The following ABCB5 variants were observed in gnomAD, a reference collection of about 807,000 sequenced individuals.
The protein encoded by ABCB5 is ATP-binding cassette sub-family B member 5.
In ABCB5, 155 loss-of-function variants were observed where a neutral mutation model predicts 144.2. The observed-to-expected ratio is 1.08, with a 90% CI of 0.94 to 1.23. The LOEUF is 1.23. ABCB5 is among the 50% of genes most tolerant of loss of function. The probability of loss-of-function intolerance (pLI) is 0.00; values close to 1 mark genes in which losing one functional copy is unlikely to be tolerated. For synonymous variants in ABCB5, 610 were observed against 528.6 expected (o/e 1.15, Z -2.11); for missense variants, 1,830 against 1,520.8 (o/e 1.20, Z -3.38).
At chr7:20,688,822 G>A (rs1483860520) in intron 16 of ABCB5, among the ~76,000 whole-genome samples, 2 of 152,094 alleles carry the variant, frequency 1.3e-5, no homozygotes, top group Non-Finnish European at 2.9e-5. Context: ...CTTTGTAGGG[G>A]CATGGATGAA....
At chr7:20,744,929 A>T (rs955559973) in intron 25 of ABCB5, among the ~76,000 whole-genome samples, 6 of 152,204 alleles carry the variant, frequency 3.9e-5, no homozygotes, top group African/African-American at 1.2e-4. Context: ...TTATGTGAAT[A>T]AACATGGCTG....
At chr7:20,702,368 G>C (rs945233421) in intron 19 of ABCB5, among the ~76,000 whole-genome samples, 2 of 152,048 alleles carry the variant, frequency 1.3e-5, no homozygotes, top group African/African-American at 2.4e-5. Context: ...GATCACTAAG[G>C]GGCTTCAAAA....
chr7:20,675,506 A>G (rs921519255), intron 14 of ABCB5, among the ~76,000 whole-genome samples: 1 of 152,080 alleles, frequency 6.6e-6, no homozygotes, highest in African/African-American at 2.4e-5. Flanking sequence ...AAATAGGTTA[A>G]AGACATCAGT....
chr7:20,703,799 A>T (rs1786715810), intron 19 of ABCB5, among the ~76,000 whole-genome samples: 1 of 152,158 alleles, frequency 6.6e-6, no homozygotes, highest in Non-Finnish European at 1.5e-5. Flanking sequence ...TGCTGTTGAA[A>T]ATAAAATTGG....
chr7:20,724,151 G>T (rs538289415), intron 21 of ABCB5, among the ~76,000 whole-genome samples: 74 of 151,922 alleles, frequency 4.9e-4, no homozygotes, highest in African/African-American at 1.4e-3. Context: ...TACTTGGATA[G>T]TCTTGGGTGG....
In ABCB5 at chr7:20,741,772, C is replaced by T. The variant is rs1782568357; in HGVS notation, c.3025-1105C>T. Among the ~76,000 whole-genome samples the T allele has an allele frequency of 2.0e-5, 3 of 152,118 alleles. No homozygotes were observed. In the South Asian group the frequency reaches 6.2e-4, roughly 31 times the overall value. ...GATGTGTTTTAAAATCCAGCCATCACTACCACCACACACACATGCACACAC... is the reference window on the plus strand; with the variant it reads ...GATGTGTTTTAAAATCCAGCCATCATTACCACCACACACACATGCACACAC... On this transcript the variant is annotated intron_variant, in intron 24 of 27. Coordinates refer to ENST00000404938, the MANE Select transcript of ABCB5 (RefSeq NM_001163941.2).
intron 14 of ABCB5, 96 bp from the exon 15 acceptor site, chr7:20,681,409 G>A: frequency 1.4e-6 from 2 of 1,391,774 alleles, no homozygotes; most frequent in South Asian, 1.4e-5. Context: ...TTACAGGCAT[G>A]AGCCACCATG....
chr7:20,661,540 C>CTTTTT (rs71555814), intron 14 of ABCB5, among the ~76,000 whole-genome samples: 2 of 139,962 alleles, frequency 1.4e-5, no homozygotes, highest in Non-Finnish European at 3.1e-5. Flanking sequence ...TTTTCTTTTT[C>CTTTTT]TTTTTTTTTT....
At chr7:20,642,685 TG>T (rs1241233007) in intron 5 of ABCB5, among the ~76,000 whole-genome samples, 4 of 152,228 alleles carry the variant, frequency 2.6e-5, no homozygotes, top group African/African-American at 9.6e-5. Context: ...GTATAATATT[TG>T]GATTGTTTTC....
chr7:20,704,075 C>CTTTTTTTTTTTTTTCTT (rs1786729284), intron 19 of ABCB5, among the ~76,000 whole-genome samples: 2 of 80,772 alleles, frequency 2.5e-5, no homozygotes, highest in Non-Finnish European at 4.3e-5. Flanking sequence ...TATTGCCTTC[C>CTTTTTTTTTTTTTTCTT]TTTTTTTTTT....
chr7:20,652,378 G>C (rs1020674339), intron 13 of ABCB5, among the ~76,000 whole-genome samples: 1 of 152,130 alleles, frequency 6.6e-6, no homozygotes, highest in Non-Finnish European at 1.5e-5. Flanking sequence ...GACCAGCTTC[G>C]CCAACATGGT....
At chr7:20,714,776 G>C (rs1326161564) in intron 20 of ABCB5, among the ~76,000 whole-genome samples, 1 of 152,128 alleles carries the variant, frequency 6.6e-6, no homozygotes, top group African/African-American at 2.4e-5. Context: ...AAGCCACTTC[G>C]TAGAAAGTTC....
chr7:20,754,535 A>C (rs1365399257), intron 27 of ABCB5, among the ~76,000 whole-genome samples: 6 of 152,226 alleles, frequency 3.9e-5, no homozygotes, highest in Non-Finnish European at 7.3e-5. Context: ...TATTCAACAA[A>C]TATGGGTTTT....
intron 15 of ABCB5, among the ~76,000 whole-genome samples, chr7:20,685,300 A>G (rs2128040059): frequency 1.3e-5 from 2 of 152,312 alleles, no homozygotes; most frequent in South Asian, 4.1e-4. Flanking sequence ...CCAGCCTCAC[A>G]TATAAGTACC....
chr7:20,705,674 T>G (rs1786800447), intron 20 of ABCB5, among the ~76,000 whole-genome samples: 1 of 152,318 alleles, frequency 6.6e-6, no homozygotes, highest in South Asian at 2.1e-4. Flanking sequence ...GTATTTATTC[T>G]GTTTAGGAAT....
chr7:20,662,329 G>C (rs7792001), intron 14 of ABCB5, among the ~76,000 whole-genome samples: 16,232 of 152,132 alleles, frequency 0.11, 1,045 homozygotes, highest in South Asian at 0.18. Context: ...GGTCTTCCTC[G>C]GAGACCTCTT....
At chr7:20,633,535 T>C (rs949781723) in intron 5 of ABCB5, among the ~76,000 whole-genome samples, 4 of 152,178 alleles carry the variant, frequency 2.6e-5, no homozygotes, top group African/African-American at 9.7e-5. Flanking sequence ...AGTGATGCTG[T>C]AATACATATA....
chr7:20,680,940 A>G (rs913094310), intron 14 of ABCB5, among the ~76,000 whole-genome samples: 2 of 150,778 alleles, frequency 1.3e-5, no homozygotes, highest in Non-Finnish European at 3.0e-5. Context: ...TGCAACAAAG[A>G]TTTCTTCTTT....
intron 26 of ABCB5, among the ~76,000 whole-genome samples, chr7:20,752,375 A>G (rs2108258): frequency 0.046 from 7,014 of 152,314 alleles, 254 homozygotes; most frequent in Middle Eastern, 0.075. Context: ...GTACTGACCA[A>G]TTGTGATTCA....
Sources: allele counts gnomAD v4.1 joint callset (sites outside exome capture counted in the v4.1 genomes callset), GRCh38; gene constraint gnomAD v4.1.1; transcripts MANE v1.5; gene names NCBI Gene and HGNC (gene_info 2026-07-23, HGNC 2026-07-21).